Variants in MCM9 observed in about 807,000 individuals in gnomAD.
MCM9 encodes DNA helicase MCM9.
A neutral mutation model predicts 72.8 loss-of-function variants in MCM9; 55 were observed. The ratio of observed to expected loss-of-function variants is 0.76; its 90% CI spans 0.61 to 0.95. The LOEUF (loss-of-function observed/expected upper bound fraction) is 0.95, where lower values mean the gene tolerates loss of function less well. Ranked by LOEUF, MCM9 falls within the 40% of genes least tolerant of loss-of-function variation. The pLI, the probability that MCM9 is intolerant of heterozygous loss-of-function variation, is 0.00. For synonymous variants in MCM9, 480 were observed against 503.4 expected, an observed-to-expected ratio of 0.95 and a Z score of 0.62; for missense variants, 1,279 against 1,377.0, an observed-to-expected ratio of 0.93 and a Z score of 1.13.
chr6:118,890,345 C>T (rs143217573), intron 8 of MCM9, among the ~76,000 whole-genome samples: 179 of 152,320 alleles, frequency 1.2e-3, no homozygotes, highest in Non-Finnish European at 1.7e-3. Context: ...GGTTTCTGAG[C>T]AGCAGCATCC....
chr6:118,836,479 CT>C (rs878958138), intron 9 of MCM9, among the ~76,000 whole-genome samples: 1 of 152,100 alleles, frequency 6.6e-6, no homozygotes, highest in Non-Finnish European at 1.5e-5. Flanking sequence ...TGGTACTGGG[CT>C]TTTTTGGGTT....
chr6:118,898,495 G>T (rs1779590907), intron 8 of MCM9, among the ~76,000 whole-genome samples: 1 of 151,214 alleles, frequency 6.6e-6, no homozygotes, highest in Non-Finnish European at 1.5e-5. Context: ...CGCGATCTCG[G>T]CTCACTGCAA....
At chr6:118,859,759 T>C (rs1357921522) in intron 8 of MCM9, among the ~76,000 whole-genome samples, 1 of 152,178 alleles carries the variant, frequency 6.6e-6, no homozygotes, top group Non-Finnish European at 1.5e-5. Flanking sequence ...AGGAACCATT[T>C]AGAAATACGC....
intron 9 of MCM9, among the ~76,000 whole-genome samples, chr6:118,839,353 T>C (rs139377617): frequency 1.3e-3 from 202 of 152,250 alleles, no homozygotes; most frequent in South Asian, 2.9e-3. Flanking sequence ...CTTATCTTCC[T>C]TGCACTGGGT....
intron 9 of MCM9, among the ~76,000 whole-genome samples, chr6:118,855,885 T>G (rs901517413): frequency 1.3e-5 from 2 of 152,332 alleles, no homozygotes; most frequent in African/African-American, 4.8e-5. Flanking sequence ...CTGAGCCTCT[T>G]TGAATCACAA....
At chr6:118,822,637 G>A (rs185274291) in intron 13 of MCM9, among the ~76,000 whole-genome samples, 2 of 152,240 alleles carry the variant, frequency 1.3e-5, no homozygotes, top group East Asian at 3.9e-4. Flanking sequence ...TTAGCAGAGT[G>A]TGCTGCTAGA....
At chr6:118,921,086 C>T (rs1781388298) in intron 5 of MCM9, 1 of 152,188 alleles carries the variant, frequency 6.6e-6, no homozygotes, top group African/African-American at 2.4e-5. Flanking sequence ...ATTTCCAGAA[C>T]AGTTCTGAGG....
intron 8 of MCM9, among the ~76,000 whole-genome samples, chr6:118,875,904 G>A (rs1777905751): frequency 6.6e-6 from 1 of 152,146 alleles, no homozygotes; most frequent in Non-Finnish European, 1.5e-5. Flanking sequence ...GCACTGGAAA[G>A]TTATATGCAC....
intron 10 of MCM9, among the ~76,000 whole-genome samples, chr6:118,828,595 G>A (rs1023784386): frequency 6.6e-6 from 1 of 152,030 alleles, no homozygotes; most frequent in African/African-American, 2.4e-5. Flanking sequence ...ATGCTGGCTA[G>A]GCTGGTCTTG....
At chr6:118,884,244 G>A (rs1778462487) in intron 8 of MCM9, among the ~76,000 whole-genome samples, 1 of 152,114 alleles carries the variant, frequency 6.6e-6, no homozygotes, top group African/African-American at 2.4e-5. Flanking sequence ...TTATACCAAT[G>A]TATTTTTGTG....
chr6:118,893,827 A>G (rs1779116244), intron 8 of MCM9, among the ~76,000 whole-genome samples: 1 of 135,810 alleles, frequency 7.4e-6, no homozygotes, highest in African/African-American at 2.7e-5. Context: ...AGAGCGTTAA[A>G]TCAAAAAACC....
At chr6:118,884,733 C>G (rs995641482) in intron 8 of MCM9, among the ~76,000 whole-genome samples, 3 of 152,118 alleles carry the variant, frequency 2.0e-5, no homozygotes, top group Non-Finnish European at 4.4e-5. Context: ...GATGGAAAAA[C>G]ATACGTATGT....
At chr6:118,864,494 T>C (rs764964250) in intron 8 of MCM9, among the ~76,000 whole-genome samples, 1 of 151,986 alleles carries the variant, frequency 6.6e-6, no homozygotes, top group Non-Finnish European at 1.5e-5. Flanking sequence ...TAAACATCTA[T>C]TCACGAATCA....
intron 8 of MCM9, among the ~76,000 whole-genome samples, chr6:118,906,353 G>A (rs1317413064): frequency 6.6e-6 from 1 of 152,186 alleles, no homozygotes; most frequent in Non-Finnish European, 1.5e-5. Flanking sequence ...GATTACAGGT[G>A]TGAGCCACCA....
Position 118,909,350 on chromosome 6 carries a change from A to G in MCM9, c.1150+2300T>C, listed in dbSNP as rs2357009. On this transcript the variant is annotated intron_variant, in intron 8 of 13. Transcript: ENST00000619706. ...TGTATCAAGTTGTAAATGGACAACC[A>G]ATTTTCACTTAAGCTTGGGACATGC... 2.0e-3 allele frequency among the ~76,000 whole-genome samples: 299 copies of G among 152,354 alleles called. 3 individuals are homozygous for G. The East Asian group carries it at 0.045, about 23-fold the overall frequency.
At chr6:118,869,599 C>CAAAAAAAAAAAAAA in intron 8 of MCM9, among the ~76,000 whole-genome samples, 2 of 58,304 alleles carry the variant, frequency 3.4e-5, no homozygotes, top group Admixed American at 2.3e-4. Context: ...AAAGGATTTA[C>CAAAAAAAAAAAAAA]AAAAAAAAAA....
chr6:118,864,514 GA>G (rs1777096181), intron 8 of MCM9, among the ~76,000 whole-genome samples: 1 of 151,954 alleles, frequency 6.6e-6, no homozygotes, highest in Non-Finnish European at 1.5e-5. Context: ...AGTTCCCTCC[GA>G]GAGAAAGTCA....
At chr6:118,827,794 T>C in intron 11 of MCM9, 133 bp downstream of exon 11, 2 of 802,186 alleles carry the variant, frequency 2.5e-6, no homozygotes, top group South Asian at 1.8e-5. Context: ...GCTCAGAGCC[T>C]TTATTTTTAA....
At chr6:118,871,674 T>C (rs752670325) in intron 8 of MCM9, among the ~76,000 whole-genome samples, 5 of 152,028 alleles carry the variant, frequency 3.3e-5, no homozygotes, top group Admixed American at 6.6e-5. Context: ...CCCAACACAC[T>C]GGGAGGCCAA....
Sources: gnomAD v4.1 joint callset for allele counts (sites outside exome capture counted in the v4.1 genomes callset) on GRCh38, gnomAD v4.1.1 for gene constraint, MANE v1.5 for transcripts, NCBI Gene and HGNC (gene_info 2026-07-23, HGNC 2026-07-21) for gene names.